The following TRAK1 variants were observed in gnomAD, a reference collection of about 807,000 sequenced individuals.
TRAK1 encodes trafficking kinesin-binding protein 1.
A neutral mutation model predicts 92.1 loss-of-function variants in TRAK1; 33 were observed. The ratio of observed to expected loss-of-function variants is 0.36; its 90% confidence interval spans 0.27 to 0.48. TRAK1 has a LOEUF of 0.48. Among genes scored for constraint, TRAK1 ranks in the 20% least tolerant of loss-of-function variants. The pLI is 0.99. For synonymous variants in TRAK1, 521 were observed against 517.3 expected (o/e 1.01, Z -0.10); for missense variants, 1,123 against 1,257.9 (o/e 0.89, Z 1.62).
At chr3:42,149,665 G>T in intron 2 of TRAK1, 4 of 1,533,696 alleles carry the variant, frequency 2.6e-6, no homozygotes, top group Non-Finnish European at 3.5e-6. Flanking sequence ...TGGGTGGGGG[G>T]TGTCCTGAAA....
intron 15 of TRAK1, chr3:42,221,866 C>T (rs1231938838): frequency 6.6e-6 from 1 of 152,150 alleles, no homozygotes; most frequent in Non-Finnish European, 1.5e-5. Flanking sequence ...AGTATCATAG[C>T]CAATGAGGTT....
intron 1 of TRAK1, among the ~76,000 whole-genome samples, chr3:42,053,375 TG>T (rs760432112): frequency 0.16 from 8,238 of 50,386 alleles, 527 homozygotes; most frequent in African/African-American, 0.27. Context: ...CAGAGTCGGG[TG>T]GGGGGGGGGG....
intron 1 of TRAK1, among the ~76,000 whole-genome samples, chr3:42,091,964 C>T (rs1167919725): frequency 6.6e-6 from 1 of 152,148 alleles, no homozygotes; most frequent in Non-Finnish European, 1.5e-5. Context: ...TTCTCTAATC[C>T]TATGTCTTGT....
At chr3:42,211,594 T>C in intron 14 of TRAK1, 1 of 985,400 alleles carries the variant, frequency 1.0e-6, no homozygotes, top group Non-Finnish European at 1.2e-6. Flanking sequence ...GATGCTCCCC[T>C]ACAGCCTTAC....
At chr3:42,184,947 T>G in intron 4 of TRAK1, 146 bp downstream of exon 4, 2 of 658,262 alleles carry the variant, frequency 3.0e-6, no homozygotes, top group Admixed American at 2.7e-5. Flanking sequence ...GAACTGTCTC[T>G]TCTGAAACGT....
At chr3:42,207,793 G>A (rs752545760) in intron 13 of TRAK1, among the ~76,000 whole-genome samples, 5 of 152,138 alleles carry the variant, frequency 3.3e-5, no homozygotes, top group Non-Finnish European at 7.4e-5. Flanking sequence ...TAGGAAGTGG[G>A]TCCACAGCTT....
At chr3:42,209,588 A>C (rs894218931) in intron 13 of TRAK1, among the ~76,000 whole-genome samples, 179 bp from the exon 14 acceptor site, 1 of 152,204 alleles carries the variant, frequency 6.6e-6, no homozygotes, top group African/African-American at 2.4e-5. Flanking sequence ...CTTCTGTTTC[A>C]TGGCAGGAAG....
chr3:42,192,463 C>T (rs567616369), intron 7 of TRAK1, among the ~76,000 whole-genome samples: 1 of 152,092 alleles, frequency 6.6e-6, no homozygotes, highest in African/African-American at 2.4e-5. Flanking sequence ...TTTTGCATTT[C>T]GTCAAAGTAC....
chr3:42,218,227 C>T (rs1709928340), intron 14 of TRAK1: 1 of 985,308 alleles, frequency 1.0e-6, no homozygotes, highest in Non-Finnish European at 1.2e-6. Context: ...TCTTTTAAGA[C>T]ATAGTCAACT....
chr3:42,217,013 T>C (rs1025981867), intron 14 of TRAK1, among the ~76,000 whole-genome samples: 1 of 152,018 alleles, frequency 6.6e-6, no homozygotes, highest in Non-Finnish European at 1.5e-5. Flanking sequence ...GTGCGTGGCA[T>C]GGGCTTGGTG....
At chr3:42,088,019 A>G (rs1414933385), upstream of TRAK1, among the ~76,000 whole-genome samples, 1 of 152,214 alleles carries the variant, frequency 6.6e-6, no homozygotes, top group Non-Finnish European at 1.5e-5. Flanking sequence ...CTAGCACAAG[A>G]GAGGGCTCTC....
chr3:42,172,186 A>C (rs1702651383), intron 2 of TRAK1, among the ~76,000 whole-genome samples: 1 of 152,194 alleles, frequency 6.6e-6, no homozygotes, highest in African/African-American at 2.4e-5. Flanking sequence ...TCTGTCAGGC[A>C]GACCTCCTGC....
chr3:42,113,343 C>T (rs1708715623), intron 1 of TRAK1, among the ~76,000 whole-genome samples: 1 of 150,274 alleles, frequency 6.7e-6, no homozygotes, highest in Admixed American at 6.6e-5. Flanking sequence ...CTCTACTCTA[C>T]TCCTACTCCT....
intron 9 of TRAK1, among the ~76,000 whole-genome samples, 154 bp downstream of exon 9, chr3:42,194,052 T>A (rs1426154087): frequency 6.6e-6 from 1 of 152,218 alleles, no homozygotes; most frequent in African/African-American, 2.4e-5. Context: ...CAGTTGCACC[T>A]TGGTTCTGTG....
rs372698529 is a variant in TRAK1, at chr3:42,223,754, G to C, written c.*17G>C. 5.7e-6 allele frequency: 9 copies of C among 1,586,248 alleles called. No individual in the cohort carries two copies. In the African/African-American group the frequency reaches 1.2e-4, roughly 21 times the overall value. Reference sequence around the variant, plus strand: ...TTACGGTGAGGACTGGAGGGGGGCCGGTTGCCCTAGAGGAGACCCACGTTC... The same window carrying C: ...TTACGGTGAGGACTGGAGGGGGGCCCGTTGCCCTAGAGGAGACCCACGTTC... On this transcript the variant is annotated 3_prime_UTR_variant, in exon 16 of 16. Transcript: ENST00000327628. The surrounding 1 kb of genome is among the most constrained non-coding windows in gnomAD (Gnocchi z 6.1).
chr3:42,213,457 G>T (rs1435988484), intron 14 of TRAK1, among the ~76,000 whole-genome samples: 1 of 152,244 alleles, frequency 6.6e-6, no homozygotes, highest in Non-Finnish European at 1.5e-5. Context: ...GGCCACCAAG[G>T]CGAAAGCCAG....
intron 2 of TRAK1, among the ~76,000 whole-genome samples, chr3:42,161,695 C>G (rs565391231): frequency 1.6e-4 from 25 of 152,336 alleles, no homozygotes; most frequent in African/African-American, 5.8e-4. Context: ...AACACTTCCC[C>G]TCCAGGACAG....
chr3:42,193,787 G>A (rs1302043952), intron 8 of TRAK1, 37 bp from the exon 9 acceptor site: 12 of 1,607,912 alleles, frequency 7.5e-6, no homozygotes, highest in Non-Finnish European at 9.4e-6. Flanking sequence ...CTTTTACCAA[G>A]TATCTTAGGA....
intron 2 of TRAK1, among the ~76,000 whole-genome samples, chr3:42,170,485 G>T (rs114477661): frequency 6.6e-6 from 1 of 152,174 alleles, no homozygotes; most frequent in South Asian, 2.1e-4. Flanking sequence ...GCTATCAAAA[G>T]CGAGAGGTAA....
Sources: allele counts gnomAD v4.1 joint callset (sites outside exome capture counted in the v4.1 genomes callset), GRCh38; gene constraint gnomAD v4.1.1; non-coding constraint Gnocchi (gnomAD v3.1); transcripts MANE v1.5; gene names NCBI Gene and HGNC (gene_info 2026-07-23, HGNC 2026-07-21).